JAKMIP3: variants seen among roughly 807,000 people sequenced by gnomAD.
JAKMIP3 encodes Janus kinase and microtubule interacting protein 3.
In JAKMIP3, 58 loss-of-function variants were observed where a neutral mutation model predicts 118.5. That is an observed-to-expected ratio of 0.49 (90% CI 0.40 to 0.61). The LOEUF is 0.61. JAKMIP3 is among the 20% of genes least tolerant of loss of function. The pLI is 0.00. For missense variants in JAKMIP3, 950 were observed against 1,109.0 expected (o/e 0.86, Z 2.04); for synonymous variants, 486 against 451.2 (o/e 1.08, Z -0.98).
intron 19 of JAKMIP3, among the ~76,000 whole-genome samples, chr10:132,156,832 CAGG>C (rs1377570113): frequency 6.6e-6 from 1 of 152,120 alleles, no homozygotes; most frequent in Non-Finnish European, 1.5e-5. Context: ...CACCTTGAGA[CAGG>C]AGAGGGAAGA....
intron 19 of JAKMIP3, among the ~76,000 whole-genome samples, chr10:132,161,500 C>A (rs1287021027): frequency 1.9e-5 from 1 of 53,056 alleles, no homozygotes; most frequent in East Asian, 7.3e-4. Flanking sequence ...CTGGGGGGGT[C>A]TCTTCCTGTG....
intron 1 of JAKMIP3, among the ~76,000 whole-genome samples, chr10:132,070,048 A>T (rs7899058): frequency 6.6e-6 from 1 of 152,024 alleles, no homozygotes; most frequent in Admixed American, 6.5e-5. Flanking sequence ...GCGGCTGCTG[A>T]TGTACCACCC....
At chr10:132,116,237 G>T (rs1306219189) in intron 2 of JAKMIP3, among the ~76,000 whole-genome samples, 1 of 152,218 alleles carries the variant, frequency 6.6e-6, no homozygotes, top group Non-Finnish European at 1.5e-5. Flanking sequence ...GATTCCGGTG[G>T]GTGACCTCAG....
At chr10:132,038,110 C>T (rs1291651318) in intron 1 of JAKMIP3, among the ~76,000 whole-genome samples, 1 of 152,228 alleles carries the variant, frequency 6.6e-6, no homozygotes, top group Non-Finnish European at 1.5e-5. Context: ...TGTCCATGGA[C>T]AAGCTTCCTG....
chr10:132,136,191 C>A (rs2051731797), intron 6 of JAKMIP3, 115 bp downstream of exon 6: 1 of 1,118,978 alleles, frequency 8.9e-7, no homozygotes, highest in Non-Finnish European at 1.3e-6. Context: ...GGTGGCCAGG[C>A]CTTCTGCTGG....
intron 1 of JAKMIP3, among the ~76,000 whole-genome samples, chr10:132,077,924 G>T (rs761952336): frequency 6.6e-6 from 1 of 152,166 alleles, no homozygotes; most frequent in Non-Finnish European, 1.5e-5. Context: ...AGATTCTCCC[G>T]CCTCAGCCTC....
Position 132,140,484 on chromosome 10 carries a change from G to A in JAKMIP3, c.1378G>A (p.Glu460Lys), listed in dbSNP as rs768374048. 8.7e-6 allele frequency: 14 copies of A among 1,613,786 alleles called. No homozygotes were observed. The highest frequency in any genetic ancestry group is 1.3e-5 in the African/African-American group (1 of 74,942). Residue 460 changes from glutamate (E) to lysine (K), a missense_variant, in exon 10 of 24, where the codon GAA (glutamate) becomes AAA (lysine). By Grantham distance (56) the Glu-to-Lys change is moderately conservative. Coordinates refer to ENST00000684848, the MANE Select transcript of JAKMIP3 (RefSeq NM_001323087.2). ...TGTGGAGACCTTCTTTGGATACGAC[G>A]AAGAGGCTTCCCTGGAATCCGACGG... Reference protein sequence around the residue: ...VVVETFFGYDEEASLESDGSS... With the variant: ...VVVETFFGYDKEASLESDGSS...
chr10:132,137,021 A>T lies in JAKMIP3; in HGVS notation c.1119A>T (p.Arg373Ser), dbSNP rs772618186. 3 of 1,613,328 alleles carry T rather than the reference A, an allele frequency of 1.9e-6. No homozygotes were observed. The Admixed American group carries it at 5.0e-5, about 27-fold the overall frequency. ...KFVTQENIEMRQRAGIIRRPS... is the reference protein window; with the variant it reads ...KFVTQENIEMSQRAGIIRRPS... ...ATGTGGGCTGCTTGGCGTTTCAGAGACAGAGAGCTGGAATCATACGGAGAC... is the reference window on the plus strand; with the variant it reads ...ATGTGGGCTGCTTGGCGTTTCAGAGTCAGAGAGCTGGAATCATACGGAGAC... The change falls in exon 7 of 24, where the codon AGA becomes AGT. Residue 373 changes from arginine (R) to serine (S), a missense_variant and splice_region_variant. Transcript: ENST00000684848.
intron 13 of JAKMIP3, among the ~76,000 whole-genome samples, chr10:132,146,683 CAG>C (rs1248823637): frequency 6.6e-6 from 1 of 152,222 alleles, no homozygotes; most frequent in African/African-American, 2.4e-5. Context: ...TTCAGACAAA[CAG>C]AGGCGTCCAA....
chr10:132,115,336 T>C (rs919507125), intron 2 of JAKMIP3, among the ~76,000 whole-genome samples: 1 of 152,170 alleles, frequency 6.6e-6, no homozygotes, highest in Non-Finnish European at 1.5e-5. Context: ...GGTACACTTC[T>C]GTGATCAGAG....
At position 132,180,760 on chromosome 10, in the gene JAKMIP3, C is replaced by CGTGCGT. The variant is rs1554963456; in HGVS notation, c.*1104-1594_*1104-1593insCGTGTG. Among the ~76,000 whole-genome samples the CGTGCGT allele has an allele frequency of 7.9e-3, 116 of 14,732 alleles. 16 individuals carry two copies. The highest frequency in any genetic ancestry group is 0.038 in the East Asian group (4 of 106). The allele number at this position is 14,732 out of a possible 152,430, so 9.7% of individuals were successfully genotyped here. On this transcript the variant is annotated intron_variant, in intron 23 of 23. Coordinates refer to ENST00000684848, the MANE Select transcript of JAKMIP3 (RefSeq NM_001323087.2). Reference sequence around the variant, plus strand: ...GTGCGTGCGTGCGCGCGCGTGTGTGCGTGTGTGTGCGTGTGTGTGTGTGCG... The same window carrying CGTGCGT: ...GTGCGTGCGTGCGCGCGCGTGTGTGCGTGCGTGTGTGTGTGCGTGTGTGTGTGTGCG...
At position 132,053,997 on chromosome 10, in the gene JAKMIP3, G is replaced by A. The variant is rs566685924; in HGVS notation, c.-138+17259G>A. On this transcript the variant is annotated intron_variant, in intron 1 of 23. Transcript: ENST00000657785. ...GGAGCTTGCAGTGAGCTGAGATCGT[G>A]CCACTGCACTCCAGCCTGGGTGACA... Among the ~76,000 whole-genome samples, 41 of 145,270 alleles carry A rather than the reference G, an allele frequency of 2.8e-4. No individual in the cohort carries two copies. The South Asian group carries it at 4.2e-3, about 15-fold the overall frequency.
intron 19 of JAKMIP3, among the ~76,000 whole-genome samples, chr10:132,155,582 G>C (rs2056994405): frequency 6.6e-6 from 1 of 152,238 alleles, no homozygotes; most frequent in Non-Finnish European, 1.5e-5. Flanking sequence ...GTGGAAGCCA[G>C]TGTGTGAGCC....
At chr10:132,141,304 T>C (rs765968639) in intron 10 of JAKMIP3, among the ~76,000 whole-genome samples, 7 of 152,116 alleles carry the variant, frequency 4.6e-5, no homozygotes, top group Non-Finnish European at 7.4e-5. Context: ...GGCCAAGGCT[T>C]CTGGGCTCAG....
chr10:132,116,598 ATG>A (rs2047710087), intron 2 of JAKMIP3, among the ~76,000 whole-genome samples: 2 of 3,690 alleles, frequency 5.4e-4, no homozygotes, highest in African/African-American at 1.3e-3. Flanking sequence ...ACACATTCAG[ATG>A]TGTGAGTGTG....
At chr10:132,097,214 C>T (rs1369367548) in intron 1 of JAKMIP3, among the ~76,000 whole-genome samples, 2 of 152,206 alleles carry the variant, frequency 1.3e-5, no homozygotes, top group Non-Finnish European at 2.9e-5. Context: ...AATAAACATC[C>T]AGCTGCTGTA....
intron 9 of JAKMIP3, 73 bp from the exon 10 acceptor site, chr10:132,140,378 G>A (rs1183447745): frequency 3.3e-5 from 52 of 1,595,130 alleles, no homozygotes; most frequent in Middle Eastern, 1.7e-4. Flanking sequence ...GTTGGGCAGC[G>A]GGAGGAGGCG....
In JAKMIP3 at chr10:132,110,263, G is replaced by A. The variant is rs117076016; in HGVS notation, c.135+5320G>A. ...CCCACAGCCCACTGGTGGCCTAGGCGGCATCTGGTGGCCTCCACCAGCTCA... is the reference window on the plus strand; with the variant it reads ...CCCACAGCCCACTGGTGGCCTAGGCAGCATCTGGTGGCCTCCACCAGCTCA... On this transcript the variant is annotated intron_variant, in intron 2 of 23. Transcript: ENST00000684848. Among the ~76,000 whole-genome samples the A allele has an allele frequency of 2.7e-3, 406 of 152,256 alleles. 5 individuals carry two copies. The highest frequency in any genetic ancestry group is 0.011 in the Admixed American group (171 of 15,220).
intron 23 of JAKMIP3, among the ~76,000 whole-genome samples, chr10:132,169,415 C>T (rs1300437409): frequency 6.6e-6 from 1 of 152,226 alleles, no homozygotes; most frequent in Non-Finnish European, 1.5e-5. Context: ...GACGCCGCCC[C>T]ACACTCGGCC....
Sources: gnomAD v4.1 joint callset for allele counts (sites outside exome capture counted in the v4.1 genomes callset) on GRCh38, gnomAD v4.1.1 for gene constraint, MANE v1.5 for transcripts, NCBI Gene and HGNC (gene_info 2026-07-23, HGNC 2026-07-21) for gene names.